PEX5: variants seen among roughly 807,000 people sequenced by gnomAD.
PEX5 encodes peroxisomal biogenesis factor 5.
Under a neutral mutation model 82.9 loss-of-function variants are expected in PEX5, and 52 were observed. That is an observed-to-expected ratio of 0.63 (90% CI 0.50 to 0.79). The LOEUF (loss-of-function observed/expected upper bound fraction) is 0.79. Among genes scored for constraint, PEX5 ranks in the 30% least tolerant of loss-of-function variants. The probability of loss-of-function intolerance (pLI) is 0.00; values close to 1 mark genes in which losing one functional copy is unlikely to be tolerated. For missense variants in PEX5, 719 were observed against 815.2 expected, an observed-to-expected ratio of 0.88 and a Z score of 1.44; for synonymous variants, 300 against 318.8, an observed-to-expected ratio of 0.94 and a Z score of 0.63.
chr12:7,217,483 C>T (rs775092696), intron 17 of PEX5, among the ~76,000 whole-genome samples: 4 of 152,346 alleles, frequency 2.6e-5, no homozygotes, highest in Middle Eastern at 3.4e-3. Flanking sequence ...GTAGGTGAGA[C>T]GGCCTCGTTA....
At chr12:7,217,360 G>A (rs1945808263) in intron 17 of PEX5, among the ~76,000 whole-genome samples, 2 of 152,200 alleles carry the variant, frequency 1.3e-5, no homozygotes, top group South Asian at 4.1e-4. Flanking sequence ...CTGTGGATTG[G>A]CAATCTGGGC....
At chr12:7,200,211 G>A (rs1178836830) in intron 6 of PEX5, among the ~76,000 whole-genome samples, 1 of 150,880 alleles carries the variant, frequency 6.6e-6, no homozygotes, top group Non-Finnish European at 1.5e-5. Flanking sequence ...CCTCCCAGAC[G>A]GGGTCGCGGC....
At chr12:7,195,479 G>C (rs914619864) in intron 5 of PEX5, among the ~76,000 whole-genome samples, 2 of 152,064 alleles carry the variant, frequency 1.3e-5, no homozygotes, top group Non-Finnish European at 2.9e-5. Context: ...GATTTAATCT[G>C]GCCAACTACC....
At chr12:7,191,987 A>T (rs1941231343) in intron 5 of PEX5, among the ~76,000 whole-genome samples, 1 of 152,162 alleles carries the variant, frequency 6.6e-6, no homozygotes, top group Non-Finnish European at 1.5e-5. Context: ...TACAGATTGG[A>T]TGGATGGCAG....
At chr12:7,214,576 G>T (rs1945723503), downstream of PEX5, among the ~76,000 whole-genome samples, 2 of 98,092 alleles carry the variant, frequency 2.0e-5, no homozygotes. Context: ...TGGGGTGGGG[G>T]GAGGGGGGAG....
At chr12:7,208,373 A>G (rs1442805381) in intron 12 of PEX5, 84 bp from the exon 13 acceptor site, 3 of 999,124 alleles carry the variant, frequency 3.0e-6, no homozygotes, top group Admixed American at 1.9e-5. Context: ...CTGCATTTCA[A>G]AGCTTGGCTT....
intron 5 of PEX5, among the ~76,000 whole-genome samples, chr12:7,196,566 T>C (rs183222544): frequency 0.15 from 3,906 of 25,996 alleles, 658 homozygotes; most frequent in African/African-American, 0.25. Context: ...ATATGTCACA[T>C]ATAATGTAAT....
chr12:7,189,341 T>A (rs1393476659), upstream of PEX5: 1 of 152,206 alleles, frequency 6.6e-6, no homozygotes, highest in African/African-American at 2.4e-5. Flanking sequence ...TGAATCCCCT[T>A]AGGTCACAAT....
chr12:7,197,385 GTAA>G (rs1281281013), intron 5 of PEX5, among the ~76,000 whole-genome samples: 7 of 134,458 alleles, frequency 5.2e-5, no homozygotes, highest in Admixed American at 8.2e-5. Flanking sequence ...CATATACAAT[GTAA>G]TAATTATATA....
chr12:7,206,899 T>A (rs1944877659), intron 10 of PEX5, among the ~76,000 whole-genome samples: 1 of 152,218 alleles, frequency 6.6e-6, no homozygotes, highest in Non-Finnish European at 1.5e-5. Context: ...ATTTTGCAGC[T>A]TACTAGTGAC....
At position 7,190,912 on chromosome 12, in the gene PEX5, T is replaced by C; in HGVS notation, c.172T>C (p.Ser58Pro). Residue 58 changes from serine (S) to proline (P), a missense_variant, in exon 3 of 16, where the codon TCT becomes CCT. Ser to Pro is a moderately conservative substitution (Grantham distance 74). Transcript: ENST00000675855. The stretch of plus-strand genomic sequence containing the variant: ...GGCCTCCAAGCCTTTGGGAGTAGCT[T>C]CTGAAGATGAGGTAAATAGACCAGT... ...EAASKPLGVASEDELVAEFLQ... is the reference protein window; with the variant it reads ...EAASKPLGVAPEDELVAEFLQ... 1 of 1,613,416 alleles carries C rather than the reference T, an allele frequency of 6.2e-7. No homozygotes were observed.
intron 6 of PEX5, among the ~76,000 whole-genome samples, chr12:7,201,208 CACAT>C (rs906594696): frequency 1.6e-4 from 24 of 150,392 alleles, no homozygotes; most frequent in African/African-American, 4.9e-4. Flanking sequence ...CATACATGTG[CACAT>C]ACATGTATAT....
chr12:7,196,115 A>G (rs1942054265), intron 5 of PEX5, among the ~76,000 whole-genome samples: 2 of 116,980 alleles, frequency 1.7e-5, no homozygotes, highest in African/African-American at 5.5e-5. Flanking sequence ...TTCTTATTAC[A>G]TTATGTTATA....
downstream of PEX5, among the ~76,000 whole-genome samples, chr12:7,216,024 A>G (rs931443152): frequency 3.3e-5 from 5 of 152,110 alleles, no homozygotes; most frequent in African/African-American, 4.8e-5. Context: ...CTGGAGTGCA[A>G]TGGCACGATC....
intron 5 of PEX5, 102 bp from the exon 6 acceptor site, chr12:7,198,909 G>T: frequency 1.5e-6 from 1 of 675,830 alleles, no homozygotes. Flanking sequence ...GTCTGCTTTG[G>T]TGTGGCTAAG....
chr12:7,194,445 A>G (rs1941736487), intron 5 of PEX5, among the ~76,000 whole-genome samples: 1 of 152,196 alleles, frequency 6.6e-6, no homozygotes. Flanking sequence ...CTCAGAGTTT[A>G]TTAGGTTTCA....
intron 17 of PEX5, among the ~76,000 whole-genome samples, chr12:7,218,002 T>G (rs1011285781): frequency 8.6e-5 from 13 of 152,010 alleles, no homozygotes; most frequent in African/African-American, 3.1e-4. Flanking sequence ...GGAGGGGAGT[T>G]AGTTAGTCTA....
downstream of PEX5, among the ~76,000 whole-genome samples, chr12:7,211,947 GA>G (rs754874971): frequency 0.012 from 756 of 63,886 alleles, 9 homozygotes; most frequent in African/African-American, 0.03. Flanking sequence ...ATTAGACTTG[GA>G]AAAAAAATTT....
intron 10 of PEX5, 109 bp downstream of exon 10, chr12:7,203,660 T>G: frequency 1.8e-6 from 2 of 1,086,950 alleles, no homozygotes; most frequent in Non-Finnish European, 2.7e-6. Flanking sequence ...TTGAGTCCCT[T>G]TCCACGAAAA....
Sources: allele counts gnomAD v4.1 joint callset (sites outside exome capture counted in the v4.1 genomes callset), GRCh38; gene constraint gnomAD v4.1.1; transcripts MANE v1.5; gene names NCBI Gene and HGNC (gene_info 2026-07-23, HGNC 2026-07-21).